Variants in SPIRE2 observed in about 807,000 individuals in gnomAD.
SPIRE2 encodes the protein protein spire homolog 2.
SPIRE2 carries 76 observed loss-of-function variants against 80.7 expected under a neutral mutation model. The ratio of observed to expected loss-of-function variants is 0.94; its 90% CI spans 0.78 to 1.14. The LOEUF (loss-of-function observed/expected upper bound fraction) is 1.14. SPIRE2 is among the 50% of genes most tolerant of loss of function. The pLI is 0.00. For missense variants in SPIRE2, 1,196 were observed against 1,015.3 expected (o/e 1.18, Z -2.42); for synonymous variants, 535 against 432.6 (o/e 1.24, Z -2.94).
intron 12 of SPIRE2, among the ~76,000 whole-genome samples, chr16:89,865,828 C>T (rs562957458): frequency 2.0e-5 from 3 of 151,762 alleles, no homozygotes; most frequent in South Asian, 2.1e-4. Flanking sequence ...ATTAGCTGGG[C>T]GTGGTGGCGG....
At chr16:89,860,598 C>T in intron 9 of SPIRE2, 85 bp from the exon 10 acceptor site, 1 of 931,398 alleles carries the variant, frequency 1.1e-6, no homozygotes, top group Non-Finnish European at 1.7e-6. Flanking sequence ...TGGAGCCCTC[C>T]ACCATCTCTA....
intron 6 of SPIRE2, 156 bp downstream of exon 6, chr16:89,855,842 CCTGTGTGCCAGCCCGGGG>C (rs1282529422): frequency 2.2e-6 from 2 of 911,340 alleles, no homozygotes; most frequent in Admixed American, 2.5e-5. Flanking sequence ...CTTCCTCTTG[CCTGTGTGCCAGCCCGGGG>C]CTGTGTGGCC....
At position 89,858,344 on chromosome 16, in the gene SPIRE2, G is replaced by A. The variant is rs756634588; in HGVS notation, c.1109G>A (p.Gly370Asp). ...RGEGWAARGF[G>D]SLPCILNACS... Reference sequence around the variant, plus strand: ...TCGGCTCCCGTCTCCCCAGGGTTTGGCTCTCTGCCCTGCATCCTCAACGCC... The same window carrying A: ...TCGGCTCCCGTCTCCCCAGGGTTTGACTCTCTGCCCTGCATCCTCAACGCC... Residue 370 changes from glycine (G) to aspartate (D), a missense_variant, in exon 8 of 15, where the codon GGC becomes GAC. By Grantham distance (94) the Gly-to-Asp change is moderately conservative. Transcript: ENST00000378247. 3 of 1,596,960 alleles carry A rather than the reference G, an allele frequency of 1.9e-6. No homozygotes were observed. Among genetic ancestry groups the A allele is most frequent in the East Asian group, 2.3e-5 (1 of 43,922 alleles).
chr16:89,858,464 A>T lies in SPIRE2; in HGVS notation c.1229A>T (p.Lys410Met). 1 of 1,608,568 alleles carries T rather than the reference A, an allele frequency of 6.2e-7. No homozygotes were observed. Residue 410 changes from lysine to methionine, a missense_variant, in exon 8 of 15, where the codon AAG becomes ATG. Transcript: ENST00000378247. The stretch of plus-strand genomic sequence containing the variant: ...CGCCCGCGGCCCCGCGTGCTGCTCA[A>T]GGCGCCTACCTTGGCTGAAATGGAA... ...AQRPRPRVLL[K>M]APTLAEMEEM...
At chr16:89,835,227 T>G (rs187382382) in intron 1 of SPIRE2, among the ~76,000 whole-genome samples, 11 of 138,246 alleles carry the variant, frequency 8.0e-5, no homozygotes, top group African/African-American at 2.2e-4. Flanking sequence ...GTTGGCCGTC[T>G]TAGAAGCGTG....
intron 1 of SPIRE2, among the ~76,000 whole-genome samples, chr16:89,837,546 G>T (rs1598217937): frequency 6.6e-6 from 1 of 152,192 alleles, no homozygotes; most frequent in African/African-American, 2.4e-5. Flanking sequence ...ACCAGCGGTG[G>T]GGTCCCCTTA....
chr16:89,851,646 C>T (rs552687244), intron 3 of SPIRE2, among the ~76,000 whole-genome samples: 209 of 152,280 alleles, frequency 1.4e-3, no homozygotes, highest in African/African-American at 4.7e-3. Flanking sequence ...CTGACTCTCT[C>T]AGCCTCTCCC....
chr16:89,845,833 A>G (rs1218813193), intron 2 of SPIRE2: 4 of 539,790 alleles, frequency 7.4e-6, no homozygotes, highest in Non-Finnish European at 1.3e-5. Context: ...CTGGAACGTC[A>G]TGTTTCCACT....
At chr16:89,858,603 A>G (rs2041714446) in intron 8 of SPIRE2, 96 bp downstream of exon 8, 2 of 1,240,944 alleles carry the variant, frequency 1.6e-6, no homozygotes, top group South Asian at 1.7e-5. Flanking sequence ...GGCAGCAGCA[A>G]TTGCGGTGTC....
intron 1 of SPIRE2, among the ~76,000 whole-genome samples, chr16:89,838,256 C>T (rs1336651085): frequency 2.0e-5 from 3 of 149,184 alleles, no homozygotes; most frequent in African/African-American, 7.4e-5. Flanking sequence ...AATCTCAGCT[C>T]ACTGCAAACT....
At chr16:89,833,741 T>C (rs956872722) in intron 1 of SPIRE2, among the ~76,000 whole-genome samples, 3 of 152,224 alleles carry the variant, frequency 2.0e-5, no homozygotes, top group Non-Finnish European at 2.9e-5. Context: ...TCGCTGGACC[T>C]GCCTTGGGGA....
intron 9 of SPIRE2, among the ~76,000 whole-genome samples, chr16:89,860,043 G>A (rs1389879692): frequency 6.6e-6 from 1 of 152,062 alleles, no homozygotes; most frequent in Non-Finnish European, 1.5e-5. Context: ...ACCTGGAGCT[G>A]TGCCTCAGCC....
intron 6 of SPIRE2, 192 bp from the exon 7 acceptor site, chr16:89,855,921 C>T: frequency 9.1e-7 from 1 of 1,101,642 alleles, no homozygotes; most frequent in Non-Finnish European, 1.3e-6. Flanking sequence ...CACCCCACCC[C>T]AGGTGCATGC....
At chr16:89,836,653 C>T (rs1234079136) in intron 1 of SPIRE2, among the ~76,000 whole-genome samples, 1 of 152,014 alleles carries the variant, frequency 6.6e-6, no homozygotes, top group Non-Finnish European at 1.5e-5. Context: ...TTGACCTCTG[C>T]TGTGAAGGTC....
intron 3 of SPIRE2, among the ~76,000 whole-genome samples, chr16:89,852,935 C>G (rs79040785): frequency 2.7e-3 from 80 of 29,962 alleles, no homozygotes; most frequent in Middle Eastern, 0.021. Context: ...TCACCCCCCG[C>G]ATCCCATGGC....
At position 89,850,555 on chromosome 16, in the gene SPIRE2, C is replaced by A; in HGVS notation, c.540C>A (p.Thr180=). ...TGCGGCTGTGCGCGGCGCGGCTGAC[C>A]GACCCCCGGGGCGCACAGGCGCATT... ...QAMRLCAARL[T]DPRGAQAHYQ... is the part of the protein sequence containing the mutation. Residue 180 remains threonine (T), a synonymous_variant, in exon 3 of 15, where the codon ACC becomes ACA. Transcript: ENST00000378247. The A allele has an allele frequency of 1.3e-6, 2 of 1,512,616 alleles. No homozygotes were observed. Among genetic ancestry groups the A allele is most frequent in the Non-Finnish European group, 1.8e-6 (2 of 1,135,118 alleles). The allele number at this position is 1,512,616 out of a possible 1,614,324, so 93.7% of individuals were successfully genotyped here. A position where few individuals can be genotyped will look rare whatever the true frequency, so the allele number is the denominator to read the frequency against.
chr16:89,868,730 C>G (rs1567679608), intron 13 of SPIRE2, among the ~76,000 whole-genome samples: 2 of 152,050 alleles, frequency 1.3e-5, no homozygotes, highest in Admixed American at 6.6e-5. Context: ...TGGCACGCAC[C>G]TGTAATCCTA....
At chr16:89,864,239 G>A (rs936623890) in intron 12 of SPIRE2, among the ~76,000 whole-genome samples, 1 of 152,110 alleles carries the variant, frequency 6.6e-6, no homozygotes, top group Non-Finnish European at 1.5e-5. Context: ...CACAGCTGCC[G>A]GACTCCCCAG....
chr16:89,858,121 G>A (rs112981123), intron 7 of SPIRE2, among the ~76,000 whole-genome samples: 6,850 of 151,548 alleles, frequency 0.045, 551 homozygotes, highest in African/African-American at 0.16. Context: ...TCCTGACCTC[G>A]TGATCCACCC....
Sources: allele counts gnomAD v4.1 joint callset (sites outside exome capture counted in the v4.1 genomes callset), GRCh38; gene constraint gnomAD v4.1.1; transcripts MANE v1.5; gene names NCBI Gene and HGNC (gene_info 2026-07-23, HGNC 2026-07-21).